Variants in PPFIA3 observed in about 807,000 individuals in gnomAD.
PPFIA3 encodes PPFI scaffold protein A3, also known as liprin-alpha-3.
A neutral mutation model predicts 145.8 loss-of-function variants in PPFIA3; 26 were observed. The ratio of observed to expected loss-of-function variants is 0.18; its 90% confidence interval spans 0.13 to 0.25. PPFIA3 has a LOEUF of 0.25. PPFIA3 is among the 10% of genes least tolerant of loss of function. The pLI, the probability that PPFIA3 is intolerant of heterozygous loss-of-function variation, is 1.00. For missense variants in PPFIA3, 1,008 were observed against 1,587.8 expected, an observed-to-expected ratio of 0.63 and a Z score of 6.21; for synonymous variants, 645 against 661.4, an observed-to-expected ratio of 0.98 and a Z score of 0.38.
intron 1 of PPFIA3, among the ~76,000 whole-genome samples, chr19:49,121,927 C>T (rs1206464932): frequency 6.6e-6 from 1 of 151,576 alleles, no homozygotes; most frequent in African/African-American, 2.4e-5. Context: ...ATGGCCATCG[C>T]GCCTGGCCGG....
Position 49,149,775 on chromosome 19 carries a change from C to T in PPFIA3, c.3526+57C>T, listed in dbSNP as rs1007834940. The T allele has an allele frequency of 1.3e-6, 2 of 1,546,814 alleles. No homozygotes were observed. The stretch of plus-strand genomic sequence containing the variant: ...TCGCTTCCCTAGGGTGGGGCATGGA[C>T]CACCTCAGTAGTCCGGGTTCTGGAA... On this transcript the variant is annotated intron_variant, in intron 28 of 29. Coordinates refer to ENST00000334186, the MANE Select transcript of PPFIA3 (RefSeq NM_003660.4). This position sits in a 1 kb window ranked among gnomAD's most constrained non-coding sequence, Gnocchi z 5.7.
chr19:49,138,280 G>A lies in PPFIA3; in HGVS notation c.1929G>A (p.Leu643=), dbSNP rs1344715310. The A allele has an allele frequency of 6.2e-6, 10 of 1,613,446 alleles. No individual in the cohort carries two copies. Among genetic ancestry groups the A allele is most frequent in the Non-Finnish European group, 8.5e-6 (10 of 1,179,770 alleles). The change falls in exon 16 of 30, where the codon TTG becomes TTA. Residue 643 remains leucine (L), a synonymous_variant. Transcript: ENST00000334186. The part of the protein sequence containing the change: ...ELESRVSSSG[L]DSLGRYRSSC... Reference sequence around the variant, plus strand: ...AGAGTCGGGTGTCCAGCTCTGGCTTGGACTCGTTGGGCCGCTACCGCAGCA... The same window carrying A: ...AGAGTCGGGTGTCCAGCTCTGGCTTAGACTCGTTGGGCCGCTACCGCAGCA...
chr19:49,123,014 C>T (rs2040955594), intron 1 of PPFIA3, among the ~76,000 whole-genome samples: 1 of 151,052 alleles, frequency 6.6e-6, no homozygotes, highest in Admixed American at 6.6e-5. Context: ...AGCCACCACG[C>T]CCGGCCTGTT....
chr19:49,133,413 G>T lies in PPFIA3; in HGVS notation c.1161+42G>T, dbSNP rs774608786. The stretch of plus-strand genomic sequence containing the variant: ...GGTCGGGGCCTTGCGTGGGGAAGGG[G>T]TGGGGCCTAGAGGAGGCGGGGCCGT... On this transcript the variant is annotated intron_variant, in intron 9 of 29. Transcript: ENST00000334186. The surrounding 1 kb of genome is among the most constrained non-coding windows in gnomAD (Gnocchi z 7.2). The T allele has an allele frequency of 1.9e-6, 3 of 1,550,132 alleles. No individual in the cohort carries two copies. The African/African-American group carries it at 4.1e-5, about 21-fold the overall frequency.
At chr19:49,138,913 G>T (rs1287385317) in intron 16 of PPFIA3, among the ~76,000 whole-genome samples, 2 of 152,066 alleles carry the variant, frequency 1.3e-5, no homozygotes, top group Non-Finnish European at 2.9e-5. Context: ...AGAGTTTGCA[G>T]TGAGTTGAAA....
chr19:49,149,434 G>A lies in PPFIA3; in HGVS notation c.3354+109G>A, dbSNP rs11881225. 1,527 of 1,584,836 alleles carry A rather than the reference G, an allele frequency of 9.6e-4. 16 individuals are homozygous for A. The African/African-American group carries it at 0.018, about 19-fold the overall frequency. The stretch of plus-strand genomic sequence containing the variant: ...TGGTCACGGTTGGAGGCGGGGCCAG[G>A]AGAGGGGCGGGGTTAAAGGAGAGGT... On this transcript the variant is annotated intron_variant, in intron 27 of 29. Transcript: ENST00000334186. This position sits in a 1 kb window ranked among gnomAD's most constrained non-coding sequence, Gnocchi z 5.7.
chr19:49,130,384 G>A lies in PPFIA3; in HGVS notation c.664G>A (p.Ala222Thr). The A allele has an allele frequency of 1.2e-6, 2 of 1,604,794 alleles. No individual in the cohort carries two copies. Among genetic ancestry groups the A allele is most frequent in the Non-Finnish European group, 1.7e-6 (2 of 1,175,544 alleles). Reference protein sequence around the residue: ...PGKDGDGQTLANGLGPGGDSN... With the variant: ...PGKDGDGQTLTNGLGPGGDSN... Reference sequence around the variant, plus strand: ...CCTCCTTCCCTCACTCCAGACTCTTGCCAATGGCCTGGGTCCTGGCGGGGA... The same window carrying A: ...CCTCCTTCCCTCACTCCAGACTCTTACCAATGGCCTGGGTCCTGGCGGGGA... Residue 222 changes from alanine to threonine, a missense_variant, in exon 7 of 30, where the codon GCC (alanine) becomes ACC (threonine). By Grantham distance (58) the Ala-to-Thr change is moderately conservative. This residue lies in a region of PPFIA3 where 136 missense variants were observed against 160.7 expected (regional missense o/e 0.85). Transcript: ENST00000334186. The surrounding 1 kb of genome is among the most constrained non-coding windows in gnomAD (Gnocchi z 4.5).
Position 49,133,229 on chromosome 19 carries a change from T to C in PPFIA3, c.1027-8T>C, listed in dbSNP as rs2041096741. 1 of 1,563,642 alleles carries C rather than the reference T, an allele frequency of 6.4e-7. No homozygotes were observed. Among genetic ancestry groups the C allele is most frequent in the Non-Finnish European group, 8.7e-7 (1 of 1,145,048 alleles). The stretch of plus-strand genomic sequence containing the variant: ...CCCGTCCCCTCCCCCTGCCTCTCCC[T>C]CCCCCAGAGTGAAGAGAAGAGCCGT... On this transcript the variant is annotated splice_region_variant and splice_polypyrimidine_tract_variant and intron_variant, in intron 8 of 29. Coordinates refer to ENST00000334186, the MANE Select transcript of PPFIA3 (RefSeq NM_003660.4). This position sits in a 1 kb window ranked among gnomAD's most constrained non-coding sequence, Gnocchi z 7.2.
intron 13 of PPFIA3, among the ~76,000 whole-genome samples, chr19:49,135,457 C>A (rs1319011063): frequency 6.6e-6 from 1 of 152,204 alleles, no homozygotes; most frequent in African/African-American, 2.4e-5. Context: ...ACTGCAACCT[C>A]CGCCTCCCCG....
At position 49,150,073 on chromosome 19, in the gene PPFIA3, C is replaced by A; in HGVS notation, c.3527-7C>A. On this transcript the variant is annotated splice_polypyrimidine_tract_variant and splice_region_variant and intron_variant, in intron 28 of 29. Transcript: ENST00000334186. Reference sequence around the variant, plus strand: ...CCAGGCTGAACCGCTGCTCGCTCTCCCTCCAGGCCAGACTTCTGGGAGTTC... The same window carrying A: ...CCAGGCTGAACCGCTGCTCGCTCTCACTCCAGGCCAGACTTCTGGGAGTTC... The A allele has an allele frequency of 1.2e-6, 2 of 1,607,682 alleles. No homozygotes were observed. The highest frequency in any genetic ancestry group is 1.1e-5 in the South Asian group (1 of 89,188).
rs2122671108 is a variant in PPFIA3 at position 49,150,246 on chromosome 19, T to G, written c.*24T>G. On this transcript the variant is annotated 3_prime_UTR_variant, in exon 30 of 30. Transcript: ENST00000334186. Reference sequence around the variant, plus strand: ...CCCGGCGTCATGCAGGTGACCTCACTCGGACGGAAGAATCTTCCCGAGGCT... The same window carrying G: ...CCCGGCGTCATGCAGGTGACCTCACGCGGACGGAAGAATCTTCCCGAGGCT... 1.7e-6 allele frequency: 2 copies of G among 1,142,992 alleles called. No homozygotes were observed. Among genetic ancestry groups the G allele is most frequent in the East Asian group, 5.2e-5 (2 of 38,354 alleles). 70.8% of individuals were successfully genotyped at this position (1,142,992 alleles called of 1,614,324 possible). A position where few individuals can be genotyped will look rare whatever the true frequency, so the allele number is the denominator to read the frequency against.
chr19:49,146,067 G>C, intron 22 of PPFIA3, 62 bp downstream of exon 22: 1 of 1,606,170 alleles, frequency 6.2e-7, no homozygotes, highest in South Asian at 1.1e-5. Flanking sequence ...GTGGGGGCGG[G>C]GACCGAGTCT....
rs1028758592 is a variant in PPFIA3, at chr19:49,139,611, G to C, written c.2077-57G>C. On this transcript the variant is annotated intron_variant, in intron 16 of 29. Transcript: ENST00000334186. ...CCTTAGTAGACATCTCAGTTAATAAGGAGCCCCCGACATGACTCTTTGAAC... is the reference window on the plus strand; with the variant it reads ...CCTTAGTAGACATCTCAGTTAATAACGAGCCCCCGACATGACTCTTTGAAC... 14 of 1,503,678 alleles carry C rather than the reference G, an allele frequency of 9.3e-6. No homozygotes were observed. In the Admixed American group the frequency reaches 3.0e-4, roughly 33 times the overall value. The allele number at this position is 1,503,678 out of a possible 1,614,324, so 93.1% of individuals were successfully genotyped here. A position where few individuals can be genotyped will look rare whatever the true frequency, so the allele number is the denominator to read the frequency against.
At position 49,129,368 on chromosome 19, in the gene PPFIA3, C is replaced by G; in HGVS notation, c.508-12C>G. 1 of 1,549,386 alleles carries G rather than the reference C, an allele frequency of 6.5e-7. No homozygotes were observed. On this transcript the variant is annotated splice_polypyrimidine_tract_variant and intron_variant, in intron 4 of 29. Transcript: ENST00000334186. ...TGTCTCCAGCTGACTGTTGCCCTGC[C>G]CCGATCCCCAGGTCCGGGAGCGGCT...
At chr19:49,126,875 G>T (rs926108756) in intron 1 of PPFIA3, among the ~76,000 whole-genome samples, 1 of 151,958 alleles carries the variant, frequency 6.6e-6, no homozygotes, top group African/African-American at 2.4e-5. Flanking sequence ...TACGATACCA[G>T]GGTCGGCCAG....
At chr19:49,136,618 G>A in intron 14 of PPFIA3, 106 bp from the exon 15 acceptor site, 1 of 657,116 alleles carries the variant, frequency 1.5e-6, no homozygotes, top group South Asian at 6.3e-5. Flanking sequence ...AAGCTGGGCT[G>A]GGAAAAGCAT....
chr19:49,138,923 A>G (rs1385170156), intron 16 of PPFIA3, among the ~76,000 whole-genome samples: 1 of 152,044 alleles, frequency 6.6e-6, no homozygotes, highest in Non-Finnish European at 1.5e-5. Context: ...GTGAGTTGAA[A>G]TTGTGCCACT....
At chr19:49,121,233 C>T (rs141560889) in intron 1 of PPFIA3, among the ~76,000 whole-genome samples, 3 of 152,364 alleles carry the variant, frequency 2.0e-5, no homozygotes, top group East Asian at 3.9e-4. Context: ...CACATCACCT[C>T]CTCCAGATGT....
At chr19:49,146,319 C>G in intron 23 of PPFIA3, 127 bp downstream of exon 23, 1 of 1,237,588 alleles carries the variant, frequency 8.1e-7, no homozygotes, top group South Asian at 1.4e-5. Flanking sequence ...GGCGCTGCGC[C>G]AAGCTTGGCT....
Sources: gnomAD v4.1 joint callset for allele counts (sites outside exome capture counted in the v4.1 genomes callset) on GRCh38, gnomAD v4.1.1 for gene constraint, gnomAD v4.1.1 regional missense constraint, Gnocchi (gnomAD v3.1) non-coding constraint, MANE v1.5 for transcripts, NCBI Gene and HGNC (gene_info 2026-07-23, HGNC 2026-07-21) for gene names.